The following ABHD17C variants were observed in gnomAD, a reference collection of about 807,000 sequenced individuals.
ABHD17C encodes the protein abhydrolase domain containing 17C, depalmitoylase.
A neutral mutation model predicts 27.9 loss-of-function variants in ABHD17C; 11 were observed. The observed-to-expected ratio is 0.39, with a 90% confidence interval of 0.25 to 0.65. ABHD17C has a LOEUF of 0.65. Ranked by LOEUF, ABHD17C falls within the 30% of genes least tolerant of loss-of-function variation. The probability of loss-of-function intolerance (pLI) is 0.45; values close to 1 mark genes in which losing one functional copy is unlikely to be tolerated. For synonymous variants in ABHD17C, 233 were observed against 209.1 expected (o/e 1.11, Z -0.98); for missense variants, 280 against 470.2 (o/e 0.60, Z 3.74).
At chr15:80,719,199 C>T (rs1894853434) in intron 1 of ABHD17C, among the ~76,000 whole-genome samples, 1 of 152,204 alleles carries the variant, frequency 6.6e-6, no homozygotes, top group Non-Finnish European at 1.5e-5. Flanking sequence ...CCCTCTTCCT[C>T]TTGACTCCTA....
chr15:80,751,478 A>G lies in ABHD17C; in HGVS notation c.770+1786A>G, dbSNP rs533509467. Among the ~76,000 whole-genome samples the G allele has an allele frequency of 2.7e-4, 41 of 152,334 alleles. 1 individual carries two copies. Among genetic ancestry groups the G allele is most frequent in the African/African-American group, 9.6e-4 (40 of 41,576 alleles). ...AATTAGAGGACAGGCACAGTGGCTT[A>G]CACCTGTAATGCCAGCACTTTTTGA... On this transcript the variant is annotated intron_variant, in intron 2 of 2. Transcript: ENST00000258884.
At chr15:80,733,546 G>C (rs1169939241) in intron 1 of ABHD17C, among the ~76,000 whole-genome samples, 1 of 152,148 alleles carries the variant, frequency 6.6e-6, no homozygotes, top group South Asian at 2.1e-4. Flanking sequence ...GGACTGGGAG[G>C]CAGAGGGATG....
intron 1 of ABHD17C, among the ~76,000 whole-genome samples, chr15:80,748,750 C>T (rs1237843471): frequency 1.3e-5 from 2 of 149,408 alleles, no homozygotes; most frequent in African/African-American, 2.5e-5. Flanking sequence ...CTACTTGCCA[C>T]CACCAGGAAG....
chr15:80,720,650 G>C (rs1894882229), intron 1 of ABHD17C, among the ~76,000 whole-genome samples: 1 of 152,190 alleles, frequency 6.6e-6, no homozygotes, highest in Non-Finnish European at 1.5e-5. Flanking sequence ...GCCGGACGCA[G>C]TGGCTCATGC....
chr15:80,696,033 G>T lies in ABHD17C; in HGVS notation c.590+14G>T, dbSNP rs776882567. The T allele has an allele frequency of 1.6e-5, 24 of 1,547,106 alleles. No homozygotes were observed. On this transcript the variant is annotated intron_variant, in intron 1 of 2. Coordinates refer to ENST00000258884, the MANE Select transcript of ABHD17C (RefSeq NM_021214.2). ...GCTGCGCACCCGGTGAGCCTGCCGG[G>T]GTCGCCAGGCCTGACTTCCAGCTGT...
chr15:80,709,677 C>G (rs1894704138), intron 1 of ABHD17C, among the ~76,000 whole-genome samples: 1 of 152,022 alleles, frequency 6.6e-6, no homozygotes, highest in African/African-American at 2.4e-5. Flanking sequence ...TTCAGCAGCC[C>G]CGCCTCACAC....
intron 1 of ABHD17C, among the ~76,000 whole-genome samples, chr15:80,718,635 G>A (rs184786260): frequency 2.8e-4 from 42 of 152,116 alleles, no homozygotes; most frequent in Middle Eastern, 3.4e-3. Flanking sequence ...ATGCCCAGCC[G>A]CTTCTTGTAA....
At chr15:80,724,754 C>G (rs1285078768) in intron 1 of ABHD17C, among the ~76,000 whole-genome samples, 3 of 152,100 alleles carry the variant, frequency 2.0e-5, no homozygotes, top group Non-Finnish European at 4.4e-5. Flanking sequence ...TGTTTTCTCC[C>G]CCTCCTCCTC....
intron 1 of ABHD17C, among the ~76,000 whole-genome samples, chr15:80,741,501 T>G (rs1328858530): frequency 7.1e-6 from 1 of 141,814 alleles, no homozygotes; most frequent in Non-Finnish European, 1.5e-5. Flanking sequence ...ATTAGCACAG[T>G]TTTTTTTTCT....
Position 80,695,310 on chromosome 15 carries a change from G to T in ABHD17C, c.-120G>T. 1.9e-6 allele frequency: 1 copy of T among 535,226 alleles called. No homozygotes were observed. Among genetic ancestry groups the T allele is most frequent in the Non-Finnish European group, 2.5e-6 (1 of 401,446 alleles). 33.2% of individuals were successfully genotyped at this position (535,226 alleles called of 1,614,324 possible). A position where few individuals can be genotyped will look rare whatever the true frequency, so the allele number is the denominator to read the frequency against. On this transcript the variant is annotated 5_prime_UTR_variant, in exon 1 of 3. Coordinates refer to ENST00000258884, the MANE Select transcript of ABHD17C (RefSeq NM_021214.2). The surrounding 1 kb of genome is among the most constrained non-coding windows in gnomAD (Gnocchi z 4.3). ...CGCCTCCTCCTGCCGCCGGGCGGGC[G>T]GGCTGCAGCCGCCCTCCGCGCTCGC...
At chr15:80,717,923 C>T (rs1199289529) in intron 1 of ABHD17C, among the ~76,000 whole-genome samples, 2 of 152,288 alleles carry the variant, frequency 1.3e-5, no homozygotes, top group South Asian at 2.1e-4. Context: ...TGCTGCTGCT[C>T]GCCTAACGGA....
At chr15:80,731,301 G>A (rs1895053924) in intron 1 of ABHD17C, among the ~76,000 whole-genome samples, 1 of 152,296 alleles carries the variant, frequency 6.6e-6, no homozygotes, top group African/African-American at 2.4e-5. Flanking sequence ...CTGTGTTTCC[G>A]CTTACTGCAC....
chr15:80,750,139 T>C (rs1043292471), intron 2 of ABHD17C, among the ~76,000 whole-genome samples: 2 of 152,200 alleles, frequency 1.3e-5, no homozygotes, highest in Non-Finnish European at 2.9e-5. Context: ...TTTCTCTTAC[T>C]TTTTCAGTTG....
At position 80,749,965 on chromosome 15, in the gene ABHD17C, A is replaced by G. The variant is rs369358855; in HGVS notation, c.770+273A>G. 9.2e-5 allele frequency among the ~76,000 whole-genome samples: 14 copies of G among 152,326 alleles called. No individual in the cohort carries two copies. In the South Asian group the frequency reaches 1.5e-3, roughly 16 times the overall value. On this transcript the variant is annotated intron_variant, in intron 2 of 2. Transcript: ENST00000258884. The stretch of plus-strand genomic sequence containing the variant: ...GTTAATTGATTGAGCTCTAATATAC[A>G]GGATTTTTAACAGCACCCATACATC...
At chr15:80,722,514 A>G (rs1894910639) in intron 1 of ABHD17C, among the ~76,000 whole-genome samples, 1 of 151,794 alleles carries the variant, frequency 6.6e-6, no homozygotes, top group African/African-American at 2.4e-5. Flanking sequence ...CCATAAACTT[A>G]TCCATCACTC....
intron 1 of ABHD17C, among the ~76,000 whole-genome samples, chr15:80,744,589 T>A (rs1235269570): frequency 6.6e-6 from 1 of 152,216 alleles, no homozygotes; most frequent in Admixed American, 6.5e-5. Flanking sequence ...CTTAGCACGC[T>A]CTTGTTTTCT....
At chr15:80,699,807 A>T (rs1480685215) in intron 1 of ABHD17C, among the ~76,000 whole-genome samples, 1 of 152,238 alleles carries the variant, frequency 6.6e-6, no homozygotes, top group East Asian at 1.9e-4. Flanking sequence ...TTGAAAAGTT[A>T]CTGAAAAGAG....
intron 1 of ABHD17C, among the ~76,000 whole-genome samples, chr15:80,707,029 T>C (rs1306358484): frequency 2.0e-5 from 3 of 152,222 alleles, no homozygotes; most frequent in African/African-American, 7.2e-5. Flanking sequence ...AAAATGAACA[T>C]GCCATTGTAA....
rs1895338735 is a variant in ABHD17C at position 80,749,494 on chromosome 15, C to A, written c.591-19C>A. 1 of 1,611,134 alleles carries A rather than the reference C, an allele frequency of 6.2e-7. No homozygotes were observed. The highest frequency in any genetic ancestry group is 8.5e-7 in the Non-Finnish European group (1 of 1,177,976). ...TCTTCATACCTTAGCTAATGGCATA[C>A]AACCTCTGATTTCTCCAGGTATGGC... On this transcript the variant is annotated intron_variant, in intron 1 of 2. Transcript: ENST00000258884.
Sources: allele counts gnomAD v4.1 joint callset (sites outside exome capture counted in the v4.1 genomes callset), GRCh38; gene constraint gnomAD v4.1.1; non-coding constraint Gnocchi (gnomAD v3.1); transcripts MANE v1.5; gene names NCBI Gene and HGNC (gene_info 2026-07-23, HGNC 2026-07-21).